TTC6: variants seen among roughly 807,000 people sequenced by gnomAD.
TTC6 encodes the protein tetratricopeptide repeat protein 6.
In TTC6, 172 loss-of-function variants were observed where a neutral mutation model predicts 210.4. The ratio of observed to expected loss-of-function variants is 0.82; its 90% CI spans 0.72 to 0.93. TTC6 has a LOEUF of 0.93. TTC6 is among the 40% of genes least tolerant of loss of function. The probability of loss-of-function intolerance (pLI) is 0.00; values close to 1 mark genes in which losing one functional copy is unlikely to be tolerated. For missense variants in TTC6, 2,414 were observed against 2,318.1 expected (o/e 1.04, Z -0.85); for synonymous variants, 804 against 819.6 (o/e 0.98, Z 0.32).
At chr14:37,738,322 G>A (rs974650347) in intron 9 of TTC6, among the ~76,000 whole-genome samples, 1 of 151,778 alleles carries the variant, frequency 6.6e-6, no homozygotes, top group African/African-American at 2.4e-5. Context: ...ATATTTGAAT[G>A]GTATTGTGTA....
chr14:37,650,174 C>T (rs901335220), intron 1 of TTC6, among the ~76,000 whole-genome samples: 3 of 152,174 alleles, frequency 2.0e-5, no homozygotes, highest in Admixed American at 6.5e-5. Context: ...CCGGCAGAGG[C>T]GCTAAGTTGA....
chr14:37,669,915 A>G (rs2095755092), intron 1 of TTC6, among the ~76,000 whole-genome samples: 1 of 152,182 alleles, frequency 6.6e-6, no homozygotes, highest in Non-Finnish European at 1.5e-5. Flanking sequence ...TTAAGAGAAT[A>G]TTCTTATGGA....
At chr14:37,779,506 C>T (rs1595249629) in intron 14 of TTC6, among the ~76,000 whole-genome samples, 1 of 152,102 alleles carries the variant, frequency 6.6e-6, no homozygotes, top group African/African-American at 2.4e-5. Flanking sequence ...AAATTGGTCT[C>T]TATAGTGACT....
intron 6 of TTC6, among the ~76,000 whole-genome samples, chr14:37,716,113 T>C (rs1287780646): frequency 6.6e-6 from 1 of 152,146 alleles, no homozygotes; most frequent in East Asian, 1.9e-4. Flanking sequence ...TCACTTGAAC[T>C]AGTAAAATAA....
intron 25 of TTC6, among the ~76,000 whole-genome samples, chr14:37,815,826 A>G (rs2096140208): frequency 6.6e-6 from 1 of 152,180 alleles, no homozygotes; most frequent in South Asian, 2.1e-4. Flanking sequence ...AAGTAATGCT[A>G]ATAGTCATCT....
At chr14:37,768,235 G>A (rs948748649) in intron 14 of TTC6, among the ~76,000 whole-genome samples, 66 of 151,400 alleles carry the variant, frequency 4.4e-4, no homozygotes, top group Non-Finnish European at 8.1e-4. Context: ...CAGGTAGAGT[G>A]ATGCCTCCAG....
Position 37,775,756 on chromosome 14 carries a change from C to A in TTC6, c.3267-11712C>A, listed in dbSNP as rs1239583786. Among the ~76,000 whole-genome samples, 4 of 152,118 alleles carry A rather than the reference C, an allele frequency of 2.6e-5. No homozygotes were observed. In the East Asian group the frequency reaches 7.7e-4, roughly 29 times the overall value. On this transcript the variant is annotated intron_variant, in intron 14 of 30. Coordinates refer to ENST00000553443, the Ensembl canonical transcript of TTC6. ...ACTATTATCTTGTGGTTATCTAAGT[C>A]TCTTCATAGGTCTCTAAGAACTTGC...
chr14:37,683,696 T>C (rs893787581), intron 3 of TTC6, among the ~76,000 whole-genome samples: 2 of 152,146 alleles, frequency 1.3e-5, no homozygotes, highest in African/African-American at 4.8e-5. Flanking sequence ...AATATGTATG[T>C]ATGGGAAAGA....
At chr14:37,644,443 A>ATGTG (rs1728513751) in intron 1 of TTC6, among the ~76,000 whole-genome samples, 1 of 152,146 alleles carries the variant, frequency 6.6e-6, no homozygotes, top group African/African-American at 2.4e-5. Context: ...CAAGAAATGC[A>ATGTG]TGTGTCTGAG....
At chr14:37,825,957 G>A (rs1188851219) in intron 27 of TTC6, among the ~76,000 whole-genome samples, 1 of 151,914 alleles carries the variant, frequency 6.6e-6, no homozygotes, top group Non-Finnish European at 1.5e-5. Flanking sequence ...GAGATGACTC[G>A]GAAGTTAAAT....
intron 29 of TTC6, 135 bp downstream of exon 31, chr14:37,827,501 C>A: frequency 1.2e-6 from 1 of 801,354 alleles, no homozygotes. Context: ...AAAATGTTAT[C>A]TTTCATAAGA....
At position 37,832,644 on chromosome 14, in the gene TTC6, T is replaced by G. The variant is rs141774113; in HGVS notation, c.5298+5278T>G. ...TTTCCAAAGCTTCTCTTGTTGTTGA[T>G]GTTTTATTCCCTTGTGGTCTGAGAA... On this transcript the variant is annotated intron_variant, in intron 29 of 30. Transcript: ENST00000553443. 4.0e-4 allele frequency among the ~76,000 whole-genome samples: 61 copies of G among 152,322 alleles called. No individual in the cohort carries two copies. The East Asian group carries it at 0.011, about 28-fold the overall frequency.
At chr14:37,787,596 A>G in exon 15 of TTC6, 1 of 1,522,698 alleles carries the variant, frequency 6.6e-7, no homozygotes, top group Non-Finnish European at 8.8e-7. Flanking sequence ...TTATTCAGAA[A>G]GAGTAACCCT....
At chr14:37,640,648 T>C (rs2095690197) in intron 1 of TTC6, among the ~76,000 whole-genome samples, 1 of 152,144 alleles carries the variant, frequency 6.6e-6, no homozygotes. Flanking sequence ...GTTCAAGCAG[T>C]TCTCCTGCCT....
intron 18 of TTC6, among the ~76,000 whole-genome samples, 188 bp downstream of exon 20, chr14:37,795,540 A>G (rs2096090720): frequency 6.6e-6 from 1 of 151,984 alleles, no homozygotes. Context: ...AGATAACCAG[A>G]TTTTTCCCTT....
At chr14:37,640,679 A>G (rs565257263) in intron 1 of TTC6, among the ~76,000 whole-genome samples, 24 of 152,126 alleles carry the variant, frequency 1.6e-4, no homozygotes, top group Admixed American at 1.6e-3. Flanking sequence ...AGTAGCTGGG[A>G]TTATAGGCAT....
At chr14:37,614,753 A>T (rs575155260) in intron 2 of TTC6, among the ~76,000 whole-genome samples, 40 of 152,146 alleles carry the variant, frequency 2.6e-4, no homozygotes, top group Admixed American at 4.6e-4. Context: ...TCAATTAATT[A>T]ATTTATTTAT....
chr14:37,711,852 G>A (rs542015139), intron 5 of TTC6, among the ~76,000 whole-genome samples: 1 of 152,204 alleles, frequency 6.6e-6, no homozygotes, highest in South Asian at 2.1e-4. Flanking sequence ...GAACAGGAGA[G>A]ACATCATGGA....
intron 1 of TTC6, 44 bp from the exon 4 acceptor site, chr14:37,680,107 G>T (rs1184314824): frequency 1.0e-5 from 12 of 1,169,378 alleles, no homozygotes; most frequent in East Asian, 2.6e-5. Flanking sequence ...GTGCTTCAAT[G>T]ATTTTAAAAA....
Sources: allele counts gnomAD v4.1 joint callset (sites outside exome capture counted in the v4.1 genomes callset), GRCh38; gene constraint gnomAD v4.1.1; transcripts MANE v1.5; gene names NCBI Gene and HGNC (gene_info 2026-07-23, HGNC 2026-07-21).